The following CMIP variants were observed in gnomAD, a reference collection of about 807,000 sequenced individuals.
The protein encoded by CMIP is C-Maf-inducing protein.
A neutral mutation model predicts 97.3 loss-of-function variants in CMIP; 13 were observed. That is an observed-to-expected ratio of 0.13 (90% CI 0.09 to 0.21). CMIP has a LOEUF of 0.21. Ranked by LOEUF, CMIP falls within the 10% of genes least tolerant of loss-of-function variation. CMIP has a pLI of 1.00. For missense variants in CMIP, 847 were observed against 1,024.9 expected (o/e 0.83, Z 2.37); for synonymous variants, 538 against 436.3 (o/e 1.23, Z -2.91).
At chr16:81,556,668 C>T (rs1018131678) in intron 1 of CMIP, among the ~76,000 whole-genome samples, 19 of 152,066 alleles carry the variant, frequency 1.2e-4, no homozygotes, top group African/African-American at 3.6e-4. Context: ...CTCTGGAGGC[C>T]GACAGTGGCG....
chr16:81,699,914 T>A, intron 15 of CMIP, 113 bp downstream of exon 15: 1 of 692,436 alleles, frequency 1.4e-6, no homozygotes, highest in Non-Finnish European at 2.6e-6. Flanking sequence ...GGGCAGTGGG[T>A]GAGGCGTGCA....
rs144299930 is a variant in CMIP at position 81,567,636 on chromosome 16, C to G, written c.301-39931C>G. Among the ~76,000 whole-genome samples, 470 of 152,352 alleles carry G rather than the reference C, an allele frequency of 3.1e-3. 3 individuals are homozygous for G. Among genetic ancestry groups the G allele is most frequent in the Middle Eastern group, 0.02 (6 of 294 alleles). ...GCCCCTTGCGTGGCTAGAAGCTAGG[C>G]TGAAAGTCCCTTTCCCTCTCACAGT... On this transcript the variant is annotated intron_variant, in intron 1 of 20. Transcript: ENST00000537098.
At chr16:81,624,687 A>G (rs1048338498) in intron 3 of CMIP, among the ~76,000 whole-genome samples, 7 of 152,236 alleles carry the variant, frequency 4.6e-5, no homozygotes, top group African/African-American at 1.4e-4. Flanking sequence ...ACCCTATTCA[A>G]TGAAATCTTA....
At chr16:81,560,273 C>A (rs1567579789) in intron 1 of CMIP, among the ~76,000 whole-genome samples, 1 of 150,512 alleles carries the variant, frequency 6.6e-6, no homozygotes, top group African/African-American at 2.4e-5. Context: ...GGCTGGAGTG[C>A]AGTGGCGCAA....
In CMIP at chr16:81,623,060, C is replaced by A. The variant is rs980020992; in HGVS notation, c.477+2134C>A. Among the ~76,000 whole-genome samples the A allele has an allele frequency of 1.1e-4, 16 of 152,294 alleles. 1 individual carries two copies. The highest frequency in any genetic ancestry group is 3.4e-4 in the African/African-American group (14 of 41,556). ...TGTACCAAAAATACAAAAAATTAGC[C>A]GGGCGTAGTGGTGCGCCCATGTGGT... On this transcript the variant is annotated intron_variant, in intron 3 of 20. Coordinates refer to ENST00000537098, the MANE Select transcript of CMIP (RefSeq NM_198390.3).
At chr16:81,591,344 G>A (rs7184250) in intron 1 of CMIP, among the ~76,000 whole-genome samples, 6,298 of 152,232 alleles carry the variant, frequency 0.041, 442 homozygotes, top group African/African-American at 0.14. Context: ...GATGTAAGGT[G>A]CTATTTTAAG....
intron 9 of CMIP, among the ~76,000 whole-genome samples, chr16:81,674,366 C>T (rs547871083): frequency 6.6e-6 from 1 of 152,276 alleles, no homozygotes; most frequent in East Asian, 1.9e-4. Context: ...CTCCTGACCT[C>T]GTGATCCACC....
intron 3 of CMIP, among the ~76,000 whole-genome samples, chr16:81,626,793 G>T (rs2092074977): frequency 8.0e-6 from 1 of 125,152 alleles, no homozygotes; most frequent in Admixed American, 7.9e-5. Context: ...GAGAGAGTGT[G>T]TGTGTGTGTG....
At chr16:81,529,462 C>A (rs143745639) in intron 1 of CMIP, among the ~76,000 whole-genome samples, 1 of 152,290 alleles carries the variant, frequency 6.6e-6, no homozygotes, top group East Asian at 1.9e-4. Flanking sequence ...AGGAGATGGG[C>A]TGTGAAACTG....
intron 3 of CMIP, among the ~76,000 whole-genome samples, chr16:81,648,978 C>T (rs967185067): frequency 9.9e-5 from 15 of 152,042 alleles, no homozygotes; most frequent in Non-Finnish European, 1.8e-4. Context: ...TGTTTATTGA[C>T]TGTCTTCTCT....
At chr16:81,488,003 G>A (rs960330784) in intron 1 of CMIP, among the ~76,000 whole-genome samples, 1 of 152,150 alleles carries the variant, frequency 6.6e-6, no homozygotes, top group Non-Finnish European at 1.5e-5. Flanking sequence ...TGGCAGCCTC[G>A]CATCTTACTT....
At chr16:81,577,588 C>G (rs2091217183) in intron 1 of CMIP, among the ~76,000 whole-genome samples, 1 of 146,558 alleles carries the variant, frequency 6.8e-6, no homozygotes, top group Non-Finnish European at 1.5e-5. Context: ...TTCATCACCA[C>G]CATCATCCCC....
chr16:81,516,010 C>A (rs1278790544), intron 1 of CMIP, among the ~76,000 whole-genome samples: 1 of 152,222 alleles, frequency 6.6e-6, no homozygotes, highest in Non-Finnish European at 1.5e-5. Flanking sequence ...CCTGCCACCT[C>A]CCCTGTGTCT....
chr16:81,663,922 G>A (rs1308007256), intron 6 of CMIP, among the ~76,000 whole-genome samples: 1 of 152,120 alleles, frequency 6.6e-6, no homozygotes, highest in Admixed American at 6.5e-5. Context: ...CTTTTCCAGT[G>A]CCCCACATGC....
At chr16:81,582,751 T>C (rs1278493802) in intron 1 of CMIP, among the ~76,000 whole-genome samples, 1 of 152,046 alleles carries the variant, frequency 6.6e-6, no homozygotes, top group Non-Finnish European at 1.5e-5. Flanking sequence ...TCCAAGACCA[T>C]GAAACTAAAA....
At chr16:81,480,068 G>A (rs1472566235) in intron 1 of CMIP, among the ~76,000 whole-genome samples, 1 of 152,220 alleles carries the variant, frequency 6.6e-6, no homozygotes, top group African/African-American at 2.4e-5. Flanking sequence ...GATGGCTTTG[G>A]TCTGGGGGAG....
intron 1 of CMIP, among the ~76,000 whole-genome samples, chr16:81,500,272 G>GTCCGTCCGTCCTTCCTTCCT (rs1567546095): frequency 1.4e-3 from 91 of 64,818 alleles, no homozygotes; most frequent in African/African-American, 5.4e-3. Flanking sequence ...CCTTCCTTCC[G>GTCCGTCCGTCCTTCCTTCCT]TCCTTCCTTC....
At chr16:81,604,311 G>A (rs190599757) in intron 1 of CMIP, among the ~76,000 whole-genome samples, 2 of 149,564 alleles carry the variant, frequency 1.3e-5, no homozygotes, top group African/African-American at 2.5e-5. Context: ...CAGGAGAATC[G>A]CTTGAACCCG....
At chr16:81,545,079 C>G (rs1486154355) in intron 1 of CMIP, among the ~76,000 whole-genome samples, 1 of 152,116 alleles carries the variant, frequency 6.6e-6, no homozygotes, top group Non-Finnish European at 1.5e-5. Flanking sequence ...TTGTAAACTC[C>G]TAGACTCCTA....
Sources: allele counts gnomAD v4.1 joint callset (sites outside exome capture counted in the v4.1 genomes callset), GRCh38; gene constraint gnomAD v4.1.1; transcripts MANE v1.5; gene names NCBI Gene and HGNC (gene_info 2026-07-23, HGNC 2026-07-21).